Variants in SPAG17 observed in about 807,000 individuals in gnomAD.
SPAG17 encodes sperm associated antigen 17.
SPAG17 carries 169 observed loss-of-function variants against 273.6 expected under a neutral mutation model. The observed-to-expected ratio is 0.62, with a 90% confidence interval of 0.55 to 0.70. The LOEUF is 0.70. Among genes scored for constraint, SPAG17 ranks in the 30% least tolerant of loss-of-function variants. The pLI is 0.00. For missense variants in SPAG17, 2,557 were observed against 2,627.8 expected (o/e 0.97, Z 0.59); for synonymous variants, 825 against 873.2 (o/e 0.94, Z 0.97).
intron 3 of SPAG17, among the ~76,000 whole-genome samples, chr1:118,130,340 G>A (rs1165668359): frequency 6.6e-6 from 1 of 152,120 alleles, no homozygotes; most frequent in Non-Finnish European, 1.5e-5. Context: ...ATCAATCTCT[G>A]GAATTGATTT....
intron 48 of SPAG17, chr1:117,963,592 CT>C (rs1653406859): frequency 2.8e-6 from 1 of 355,156 alleles, no homozygotes; most frequent in South Asian, 4.6e-5. Flanking sequence ...TCTCGATCTC[CT>C]GACCTTGTGA....
At chr1:118,040,219 G>T (rs1649573560) in intron 22 of SPAG17, among the ~76,000 whole-genome samples, 1 of 152,042 alleles carries the variant, frequency 6.6e-6, no homozygotes, top group Non-Finnish European at 1.5e-5. Flanking sequence ...AAAATTGACA[G>T]AACTAGGAGA....
chr1:118,167,382 T>C (rs1231290203), intron 1 of SPAG17, among the ~76,000 whole-genome samples: 2 of 152,192 alleles, frequency 1.3e-5, no homozygotes, highest in Admixed American at 6.5e-5. Context: ...ATGATTTTTG[T>C]ACAATATCAG....
At chr1:118,042,394 A>G (rs903812476) in intron 20 of SPAG17, among the ~76,000 whole-genome samples, 1 of 152,140 alleles carries the variant, frequency 6.6e-6, no homozygotes, top group Non-Finnish European at 1.5e-5. Context: ...CCGATCTTTA[A>G]TTTAGGTCCT....
intron 13 of SPAG17, 133 bp downstream of exon 13, chr1:118,085,789 A>G: frequency 9.8e-6 from 8 of 812,222 alleles, no homozygotes; most frequent in Non-Finnish European, 1.5e-5. Flanking sequence ...GTAGTCAATC[A>G]AAATACCCAC....
chr1:118,035,438 C>T (rs192613916), intron 24 of SPAG17, among the ~76,000 whole-genome samples: 25 of 152,200 alleles, frequency 1.6e-4, no homozygotes, highest in Middle Eastern at 6.8e-3. Flanking sequence ...GTAGTGATAA[C>T]GGATTTTAAT....
In SPAG17 at chr1:118,036,252, G is replaced by A. The variant is rs147912514; in HGVS notation, c.3433+518C>T. 3.8e-3 allele frequency among the ~76,000 whole-genome samples: 573 copies of A among 152,144 alleles called. 4 individuals carry two copies. The highest frequency in any genetic ancestry group is 0.013 in the African/African-American group (555 of 41,530). Reference sequence around the variant, plus strand: ...GAAGGAAGGAAGGAAGTGGGGTACAGAAATCTTTCAATATGTCCACTGAAT... The same window carrying A: ...GAAGGAAGGAAGGAAGTGGGGTACAAAAATCTTTCAATATGTCCACTGAAT... On this transcript the variant is annotated intron_variant, in intron 24 of 48. Coordinates refer to ENST00000336338, the MANE Select transcript of SPAG17 (RefSeq NM_206996.4).
At chr1:117,980,129 A>G (rs1655615557) in intron 43 of SPAG17, among the ~76,000 whole-genome samples, 1 of 152,272 alleles carries the variant, frequency 6.6e-6, no homozygotes, top group Admixed American at 6.5e-5. Flanking sequence ...AGCACACAGT[A>G]GGCATTGAGT....
chr1:118,040,712 G>A lies in SPAG17; in HGVS notation c.3166+18C>T, dbSNP rs369326692. 565 of 1,482,716 alleles carry A rather than the reference G, an allele frequency of 3.8e-4. 5 individuals are homozygous for A. In the Middle Eastern group the frequency reaches 5.6e-3, roughly 15 times the overall value. The allele number at this position is 1,482,716 out of a possible 1,614,324, so 91.8% of individuals were successfully genotyped here. ...TTATTATGTTTCCAATCATTAACCA[G>A]TTGCTTTCAAAATGTACCTTTTTCA... On this transcript the variant is annotated intron_variant, in intron 22 of 48. Coordinates refer to ENST00000336338, the MANE Select transcript of SPAG17 (RefSeq NM_206996.4).
chr1:118,145,103 A>ACTG (rs1325539625), intron 3 of SPAG17, among the ~76,000 whole-genome samples: 1 of 152,136 alleles, frequency 6.6e-6, no homozygotes, highest in African/African-American at 2.4e-5. Context: ...TCCATGACAT[A>ACTG]CTGCTCTCTC....
At chr1:118,112,309 G>A (rs140016847) in intron 4 of SPAG17, among the ~76,000 whole-genome samples, 1 of 151,834 alleles carries the variant, frequency 6.6e-6, no homozygotes, top group East Asian at 1.9e-4. Context: ...GGATCAGAAT[G>A]GAAACCAAAC....
intron 4 of SPAG17, among the ~76,000 whole-genome samples, chr1:118,111,449 T>C (rs1325259439): frequency 6.6e-6 from 1 of 152,108 alleles, no homozygotes; most frequent in African/African-American, 2.4e-5. Context: ...GCTCTTTCTC[T>C]GTTCGATTTC....
chr1:118,127,109 A>G (rs1475729364), intron 3 of SPAG17, among the ~76,000 whole-genome samples: 1 of 152,206 alleles, frequency 6.6e-6, no homozygotes, highest in Non-Finnish European at 1.5e-5. Context: ...TTTTGAAGTC[A>G]GGTAGTATGA....
chr1:118,174,755 G>A (rs1660606854), intron 1 of SPAG17, among the ~76,000 whole-genome samples: 1 of 152,120 alleles, frequency 6.6e-6, no homozygotes, highest in South Asian at 2.1e-4. Context: ...TTATCTATAA[G>A]ATTATCAGCA....
chr1:118,154,835 A>T (rs1045914171), intron 1 of SPAG17, among the ~76,000 whole-genome samples: 9 of 152,058 alleles, frequency 5.9e-5, no homozygotes, highest in African/African-American at 2.2e-4. Flanking sequence ...TTACATCCAA[A>T]CTTCTTAAAC....
Position 117,991,513 on chromosome 1 carries a change from T to C in SPAG17, c.5377A>G (p.Ile1793Val). The stretch of plus-strand genomic sequence containing the variant: ...TGCAGCTCATCTTCTTTCTTTAGAA[T>C]ATAGTTTATGTAATCCTAAATCAGC... ...QVSLKDYINY[I>V]LKKEDELQEM... The change falls in exon 37 of 49, where the codon ATT (isoleucine) becomes GTT (valine). Residue 1793 changes from isoleucine (I) to valine (V), a missense_variant. Coordinates refer to ENST00000336338, the MANE Select transcript of SPAG17 (RefSeq NM_206996.4). 1 of 1,604,484 alleles carries C rather than the reference T, an allele frequency of 6.2e-7. No individual in the cohort carries two copies. The highest frequency in any genetic ancestry group is 1.3e-5 in the African/African-American group (1 of 74,818).
chr1:118,165,023 T>C (rs1369715112), intron 1 of SPAG17, among the ~76,000 whole-genome samples: 3 of 152,198 alleles, frequency 2.0e-5, no homozygotes, highest in Non-Finnish European at 4.4e-5. Context: ...AAGTCCTGCC[T>C]CACCTGTGAC....
intron 1 of SPAG17, among the ~76,000 whole-genome samples, chr1:118,174,879 A>AAATGAAG (rs1328883178): frequency 1.3e-5 from 2 of 152,220 alleles, no homozygotes; most frequent in African/African-American, 4.8e-5. Context: ...TGTGCTTCAA[A>AAATGAAG]AATGAAGAAG....
chr1:118,027,824 C>G (rs1417294450), intron 26 of SPAG17, among the ~76,000 whole-genome samples: 3 of 152,188 alleles, frequency 2.0e-5, no homozygotes, highest in African/African-American at 7.2e-5. Flanking sequence ...TAATCTACAT[C>G]TATCTCTATG....
Sources: allele counts gnomAD v4.1 joint callset (sites outside exome capture counted in the v4.1 genomes callset), GRCh38; gene constraint gnomAD v4.1.1; transcripts MANE v1.5; gene names NCBI Gene and HGNC (gene_info 2026-07-23, HGNC 2026-07-21).